The following CDK12 variants were observed in gnomAD, a reference collection of about 807,000 sequenced individuals.
The protein encoded by CDK12 is cyclin-dependent kinase 12.
Under a neutral mutation model 133.8 loss-of-function variants are expected in CDK12, and 17 were observed. That is an observed-to-expected ratio of 0.13 (90% CI 0.09 to 0.19). CDK12 has a LOEUF of 0.19. CDK12 is among the 10% of genes least tolerant of loss of function. The probability of loss-of-function intolerance (pLI) is 1.00; values close to 1 mark genes in which losing one functional copy is unlikely to be tolerated. For synonymous variants in CDK12, 694 were observed against 683.6 expected (o/e 1.02, Z -0.24); for missense variants, 1,508 against 1,818.7 (o/e 0.83, Z 3.11).
chr17:39,462,451 A>G lies in CDK12; in HGVS notation c.380A>G (p.Gln127Arg), dbSNP rs755902248. 3.1e-6 allele frequency: 5 copies of G among 1,614,138 alleles called. No homozygotes were observed. In the Middle Eastern group the frequency reaches 6.6e-4, roughly 213 times the overall value. The change falls in exon 1 of 14, where the codon CAG (glutamine) becomes CGG (arginine). Residue 127 changes from glutamine to arginine, a missense_variant. Physicochemically the swap from Gln to Arg is conservative, Grantham distance 43. Transcript: ENST00000447079. Reference protein sequence around the residue: ...RRSRDLLKAKQTEKEKSQEVS... With the variant: ...RRSRDLLKAKRTEKEKSQEVS... ...TCCCGGGACTTACTAAAAGCTAAAC[A>G]GACCGAAAAAGAAAAAAGCCAAGAA...
intron 2 of CDK12, among the ~76,000 whole-genome samples, chr17:39,485,186 A>T (rs2051020260): frequency 6.6e-6 from 1 of 151,782 alleles, no homozygotes; most frequent in South Asian, 2.1e-4. Flanking sequence ...AAAAAAAAAA[A>T]AAGTTCAGAC....
intron 2 of CDK12, among the ~76,000 whole-genome samples, chr17:39,480,130 C>T (rs943080809): frequency 3.9e-5 from 6 of 151,928 alleles, no homozygotes; most frequent in African/African-American, 1.5e-4. Context: ...TACCATCTTT[C>T]CCAGGCTGAT....
intron 2 of CDK12, among the ~76,000 whole-genome samples, chr17:39,490,221 G>T (rs1245538148): frequency 1.3e-5 from 2 of 151,618 alleles, no homozygotes; most frequent in African/African-American, 4.8e-5. Flanking sequence ...ACAAAAATTA[G>T]TCTGGCATGG....
At chr17:39,488,398 A>ATT (rs2051307557) in intron 2 of CDK12, among the ~76,000 whole-genome samples, 1 of 151,954 alleles carries the variant, frequency 6.6e-6, no homozygotes, top group African/African-American at 2.4e-5. Flanking sequence ...TTTTCTTTAG[A>ATT]TTTTTAGTTT....
chr17:39,547,743 C>A (rs951580831), upstream of CDK12: 6 of 152,334 alleles, frequency 3.9e-5, no homozygotes, highest in African/African-American at 9.7e-5. Context: ...TAGGAGGTGA[C>A]ATCAGCTTAT....
downstream of CDK12, among the ~76,000 whole-genome samples, chr17:39,538,119 G>A (rs1353170422): frequency 6.6e-6 from 1 of 152,124 alleles, no homozygotes; most frequent in African/African-American, 2.4e-5. Context: ...GGGCAAATAT[G>A]TTAAGCAATA....
chr17:39,505,349 A>AC (rs1445945872), intron 6 of CDK12, among the ~76,000 whole-genome samples: 1 of 151,772 alleles, frequency 6.6e-6, no homozygotes, highest in Non-Finnish European at 1.5e-5. Flanking sequence ...ACATGGTGAA[A>AC]CCCCGTCTCT....
chr17:39,517,659 C>A, intron 10 of CDK12, 103 bp downstream of exon 10: 1 of 685,722 alleles, frequency 1.5e-6, no homozygotes, highest in Non-Finnish European at 2.6e-6. Context: ...TTTATCATGG[C>A]AACACAGTGT....
intron 8 of CDK12, among the ~76,000 whole-genome samples, chr17:39,515,503 A>G (rs879265440): frequency 5.5e-4 from 84 of 152,228 alleles, no homozygotes; most frequent in Non-Finnish European, 5.0e-4. Flanking sequence ...CTCTGATCAT[A>G]GAGTGTCCTT....
chr17:39,532,366 G>T lies in CDK12; in HGVS notation c.*1050G>T, dbSNP rs750400378. 4.7e-5 allele frequency: 11 copies of T among 233,002 alleles called. No individual in the cohort carries two copies. Among genetic ancestry groups the T allele is most frequent in the South Asian group, 1.8e-4 (1 of 5,528 alleles). 14.4% of individuals were successfully genotyped at this position (233,002 alleles called of 1,614,324 possible). A position where few individuals can be genotyped will look rare whatever the true frequency, so the allele number is the denominator to read the frequency against. Reference sequence around the variant, plus strand: ...TTGATTTGTAAGTGTGGACAGCTTGGACATTGCTGCTGAGCTGTGGTTAGA... The same window carrying T: ...TTGATTTGTAAGTGTGGACAGCTTGTACATTGCTGCTGAGCTGTGGTTAGA... On this transcript the variant is annotated 3_prime_UTR_variant, in exon 14 of 14. Coordinates refer to ENST00000447079, the MANE Select transcript of CDK12 (RefSeq NM_016507.4).
At chr17:39,512,687 A>G (rs2053570137) in intron 8 of CDK12, among the ~76,000 whole-genome samples, 1 of 152,204 alleles carries the variant, frequency 6.6e-6, no homozygotes, top group Non-Finnish European at 1.5e-5. Context: ...CATTCTAATT[A>G]TATCATTTCT....
At chr17:39,471,838 C>T in intron 2 of CDK12, 75 bp downstream of exon 2, 3 of 1,250,188 alleles carry the variant, frequency 2.4e-6, no homozygotes, top group Admixed American at 2.2e-5. Context: ...TCTTTGTCAA[C>T]ACTACCCTCA....
chr17:39,501,494 T>C (rs1274522616), intron 6 of CDK12, 55 bp downstream of exon 6: 1 of 1,203,594 alleles, frequency 8.3e-7, no homozygotes, highest in Non-Finnish European at 1.2e-6. Context: ...CTGACCTTTT[T>C]AGTTTCAAAT....
chr17:39,517,036 T>C (rs967133014), intron 9 of CDK12, among the ~76,000 whole-genome samples: 3 of 152,154 alleles, frequency 2.0e-5, no homozygotes, highest in Admixed American at 2.0e-4. Context: ...TGATTATCTC[T>C]CAAAATTTTC....
rs750404979 is a variant in CDK12, at chr17:39,462,691, C to A, written c.620C>A (p.Pro207His). The change falls in exon 1 of 14, where the codon CCC (proline) becomes CAC (histidine). Residue 207 changes from proline to histidine, a missense_variant. Coordinates refer to ENST00000447079, the MANE Select transcript of CDK12 (RefSeq NM_016507.4). Reference sequence around the variant, plus strand: ...AAAAGTCATCGAAAAAGGGAAACACCCAAAAGTTACAAAACAGTGGACAGC... The same window carrying A: ...AAAAGTCATCGAAAAAGGGAAACACACAAAAGTTACAAAACAGTGGACAGC... ...RSKSHRKRET[P>H]KSYKTVDSPK... 1 of 1,614,080 alleles carries A rather than the reference C, an allele frequency of 6.2e-7. No homozygotes were observed. Among genetic ancestry groups the A allele is most frequent in the Non-Finnish European group, 8.5e-7 (1 of 1,180,032 alleles).
chr17:39,536,978 G>A (rs1373957617), downstream of CDK12, among the ~76,000 whole-genome samples: 1 of 152,208 alleles, frequency 6.6e-6, no homozygotes, highest in East Asian at 1.9e-4. Flanking sequence ...GCTCTGGCAT[G>A]TTTGTAAACT....
At chr17:39,512,014 T>G (rs2053535145) in intron 8 of CDK12, among the ~76,000 whole-genome samples, 1 of 152,176 alleles carries the variant, frequency 6.6e-6, no homozygotes, top group Non-Finnish European at 1.5e-5. Flanking sequence ...TATCCAGCCT[T>G]TTATAGTCTG....
chr17:39,546,073 G>C (rs1423625564), upstream of CDK12: 2 of 151,972 alleles, frequency 1.3e-5, no homozygotes, highest in African/African-American at 4.8e-5. Context: ...GGGATTACAG[G>C]CGTGAGCCAC....
intron 11 of CDK12, among the ~76,000 whole-genome samples, chr17:39,521,408 T>C (rs2146606536): frequency 6.6e-6 from 1 of 151,808 alleles, no homozygotes; most frequent in African/African-American, 2.4e-5. Flanking sequence ...GTAGCTGGAA[T>C]TACGCCACCA....
Sources: allele counts gnomAD v4.1 joint callset (sites outside exome capture counted in the v4.1 genomes callset), GRCh38; gene constraint gnomAD v4.1.1; transcripts MANE v1.5; gene names NCBI Gene and HGNC (gene_info 2026-07-23, HGNC 2026-07-21).